Variants in RALYL observed in about 807,000 individuals in gnomAD.
RALYL encodes RNA-binding Raly-like protein.
A neutral mutation model predicts 35.1 loss-of-function variants in RALYL; 29 were observed. The observed-to-expected ratio is 0.83, with a 90% CI of 0.61 to 1.13. RALYL has a LOEUF of 1.13. Ranked by LOEUF, RALYL falls within the 50% of genes most tolerant of loss-of-function variation. The pLI is 0.00. For missense variants in RALYL, 359 were observed against 360.4 expected, an observed-to-expected ratio of 1.00 and a Z score of 0.03; for synonymous variants, 120 against 127.6, an observed-to-expected ratio of 0.94 and a Z score of 0.40.
intron 1 of RALYL, among the ~76,000 whole-genome samples, chr8:84,415,943 T>C (rs930850511): frequency 6.6e-6 from 1 of 152,206 alleles, no homozygotes; most frequent in African/African-American, 2.4e-5. Flanking sequence ...CATTGTCAAG[T>C]CGCAGATTCA....
At chr8:84,858,630 TA>T (rs1837510691) in intron 5 of RALYL, among the ~76,000 whole-genome samples, 3 of 152,344 alleles carry the variant, frequency 2.0e-5, no homozygotes, top group African/African-American at 7.2e-5. Flanking sequence ...TTAGTCTCAA[TA>T]CTATTTGCCA....
chr8:84,619,682 C>T (rs1486586389), intron 2 of RALYL, among the ~76,000 whole-genome samples: 5 of 151,034 alleles, frequency 3.3e-5, no homozygotes, highest in Non-Finnish European at 7.4e-5. Flanking sequence ...CAGTTACTTC[C>T]TAGTCTCGAT....
At chr8:84,514,331 T>C (rs2134484916) in intron 1 of RALYL, among the ~76,000 whole-genome samples, 1 of 152,236 alleles carries the variant, frequency 6.6e-6, no homozygotes, top group Non-Finnish European at 1.5e-5. Context: ...TCCAATATGT[T>C]TAAAATTTAA....
intron 1 of RALYL, among the ~76,000 whole-genome samples, chr8:84,411,380 C>T (rs1481720437): frequency 6.6e-6 from 1 of 151,868 alleles, no homozygotes; most frequent in East Asian, 1.9e-4. Context: ...ACAGTTCTTT[C>T]AGTGACTTTT....
chr8:84,443,941 A>G (rs929412280), intron 1 of RALYL, among the ~76,000 whole-genome samples: 3 of 152,166 alleles, frequency 2.0e-5, no homozygotes, highest in Middle Eastern at 3.2e-3. Flanking sequence ...TATGTGTCCA[A>G]TATTGTCAGT....
At chr8:84,709,560 T>TA (rs927031004) in intron 2 of RALYL, among the ~76,000 whole-genome samples, 10 of 151,312 alleles carry the variant, frequency 6.6e-5, no homozygotes, top group Admixed American at 1.3e-4. Flanking sequence ...TATTTTACTT[T>TA]AAAAAAAAAC....
At chr8:84,406,835 C>CA (rs2043547807) in intron 1 of RALYL, among the ~76,000 whole-genome samples, 1 of 151,996 alleles carries the variant, frequency 6.6e-6, no homozygotes, top group South Asian at 2.1e-4. Context: ...TGGGTGATTA[C>CA]ACTGTCAAAA....
At chr8:84,367,746 T>G (rs950578144) in intron 1 of RALYL, among the ~76,000 whole-genome samples, 1 of 152,130 alleles carries the variant, frequency 6.6e-6, no homozygotes, top group African/African-American at 2.4e-5. Context: ...CCCAGACCAC[T>G]TGAGTGTTAT....
chr8:84,888,877 G>A (rs993739889), intron 8 of RALYL, among the ~76,000 whole-genome samples: 1 of 152,094 alleles, frequency 6.6e-6, no homozygotes, highest in African/African-American at 2.4e-5. Context: ...AGCCTCCCGA[G>A]TAGCTGGGAT....
chr8:84,436,408 G>A (rs2047713906), intron 1 of RALYL, among the ~76,000 whole-genome samples: 2 of 152,026 alleles, frequency 1.3e-5, no homozygotes, highest in Admixed American at 6.6e-5. Flanking sequence ...CATATATAAG[G>A]CAGCCTATCC....
intron 1 of RALYL, among the ~76,000 whole-genome samples, chr8:84,398,532 A>G (rs2042570422): frequency 6.6e-6 from 1 of 152,130 alleles, no homozygotes; most frequent in Non-Finnish European, 1.5e-5. Context: ...CAGTAGTAAT[A>G]TCTTTTCTAG....
At chr8:84,876,910 A>G (rs1841258418) in intron 7 of RALYL, among the ~76,000 whole-genome samples, 1 of 152,222 alleles carries the variant, frequency 6.6e-6, no homozygotes, top group Non-Finnish European at 1.5e-5. Context: ...CAAATCTCAA[A>G]ATATGAGCTC....
intron 2 of RALYL, among the ~76,000 whole-genome samples, chr8:84,692,927 G>A (rs1740848462): frequency 6.6e-6 from 1 of 151,994 alleles, no homozygotes; most frequent in Admixed American, 6.6e-5. Context: ...GAGGCCATGA[G>A]CCAAGGGTGG....
chr8:84,255,678 C>T (rs142083801), intron 1 of RALYL, among the ~76,000 whole-genome samples: 1,902 of 152,084 alleles, frequency 0.013, 19 homozygotes, highest in Middle Eastern at 0.044. Flanking sequence ...TCAAACATTG[C>T]CGCAGAATAA....
At chr8:84,645,913 T>C (rs1452618628) in intron 2 of RALYL, among the ~76,000 whole-genome samples, 1 of 152,088 alleles carries the variant, frequency 6.6e-6, no homozygotes, top group Non-Finnish European at 1.5e-5. Context: ...GAGGATACTT[T>C]ATGTTTTTTT....
At chr8:84,674,850 T>C (rs1272790107) in intron 2 of RALYL, among the ~76,000 whole-genome samples, 2 of 152,166 alleles carry the variant, frequency 1.3e-5, no homozygotes, top group African/African-American at 4.8e-5. Context: ...GGTACATTTC[T>C]TATATTTTTG....
chr8:84,470,950 A>G (rs1587596380), intron 1 of RALYL, among the ~76,000 whole-genome samples: 2 of 152,160 alleles, frequency 1.3e-5, no homozygotes, highest in African/African-American at 2.4e-5. Flanking sequence ...TCATGTTACT[A>G]TGGGTTAGCC....
At chr8:84,367,325 T>G (rs1854606961) in intron 1 of RALYL, among the ~76,000 whole-genome samples, 2 of 16,718 alleles carry the variant, frequency 1.2e-4, no homozygotes, top group Non-Finnish European at 2.0e-4. Flanking sequence ...TGTATTTTTT[T>G]TTTTTTTTTT....
At chr8:84,545,764 T>C (rs1462777705) in intron 2 of RALYL, among the ~76,000 whole-genome samples, 1 of 152,186 alleles carries the variant, frequency 6.6e-6, no homozygotes, top group East Asian at 1.9e-4. Flanking sequence ...GCTACTGAGC[T>C]TTGGGGGAGT....
Sources: allele counts gnomAD v4.1 joint callset (sites outside exome capture counted in the v4.1 genomes callset), GRCh38; gene constraint gnomAD v4.1.1; transcripts MANE v1.5; gene names NCBI Gene and HGNC (gene_info 2026-07-23, HGNC 2026-07-21).